Variants in SHANK2 observed in about 807,000 individuals in gnomAD.
The protein encoded by SHANK2 is SH3 and multiple ankyrin repeat domains protein 2.
SHANK2 carries 43 observed loss-of-function variants against 133.7 expected under a neutral mutation model. The ratio of observed to expected loss-of-function variants is 0.32; its 90% confidence interval spans 0.25 to 0.41. The LOEUF (loss-of-function observed/expected upper bound fraction) is 0.41, where lower values mean the gene tolerates loss of function less well. SHANK2 is among the 10% of genes least tolerant of loss of function. The pLI, the probability that SHANK2 is intolerant of heterozygous loss-of-function variation, is 1.00. For missense variants in SHANK2, 1,994 were observed against 2,235.8 expected (o/e 0.89, Z 2.18); for synonymous variants, 1,017 against 952.8 (o/e 1.07, Z -1.24).
intron 14 of SHANK2, among the ~76,000 whole-genome samples, chr11:70,702,445 TCAC>T (rs1421574423): frequency 3.3e-5 from 5 of 151,526 alleles, no homozygotes; most frequent in South Asian, 2.1e-4. Context: ...ACCAACATCA[TCAC>T]CACCATCATC....
At chr11:70,855,333 T>C (rs1949152727) in intron 11 of SHANK2, among the ~76,000 whole-genome samples, 1 of 152,248 alleles carries the variant, frequency 6.6e-6, no homozygotes, top group South Asian at 2.1e-4. Context: ...ATATCTAGAA[T>C]GTTGGGTTCT....
At chr11:71,235,608 A>AC (rs1954817529) in intron 1 of SHANK2, among the ~76,000 whole-genome samples, 5 of 151,568 alleles carry the variant, frequency 3.3e-5, no homozygotes, top group Admixed American at 3.3e-4. Context: ...AAAAAAAAAA[A>AC]AACGTTAACT....
intron 11 of SHANK2, chr11:70,864,434 G>C (rs1224742431): frequency 5.2e-5 from 8 of 152,742 alleles, no homozygotes; most frequent in Non-Finnish European, 4.4e-5. Flanking sequence ...ATTAAGTCAT[G>C]GTGGCTCCAG....
intron 17 of SHANK2, among the ~76,000 whole-genome samples, chr11:70,536,624 G>T (rs1453968952): frequency 6.6e-6 from 1 of 152,204 alleles, no homozygotes; most frequent in East Asian, 1.9e-4. Flanking sequence ...TGGGCTTCAG[G>T]CTTGTGGCTC....
intron 17 of SHANK2, among the ~76,000 whole-genome samples, chr11:70,651,211 T>C (rs2061335249): frequency 6.6e-6 from 1 of 152,146 alleles, no homozygotes; most frequent in Non-Finnish European, 1.5e-5. Flanking sequence ...GCAGCCATGG[T>C]CCCCTGAAGT....
At chr11:71,133,393 CACAG>C (rs1952366811) in intron 3 of SHANK2, among the ~76,000 whole-genome samples, 1 of 37,850 alleles carries the variant, frequency 2.6e-5, no homozygotes, top group African/African-American at 1.6e-4. Flanking sequence ...TGGGTGGATG[CACAG>C]ATGGAGGGAA....
At chr11:70,901,324 G>C (rs937989842) in intron 10 of SHANK2, among the ~76,000 whole-genome samples, 1 of 152,158 alleles carries the variant, frequency 6.6e-6, no homozygotes, top group Non-Finnish European at 1.5e-5. Context: ...AGAAGCATAA[G>C]AAACAACAAA....
chr11:70,756,623 T>C (rs1192700661), intron 14 of SHANK2, among the ~76,000 whole-genome samples: 2 of 152,132 alleles, frequency 1.3e-5, no homozygotes, highest in Non-Finnish European at 2.9e-5. Context: ...CATGGCATCA[T>C]ACTGGACCCT....
At chr11:71,248,431 C>G (rs1056981232) in intron 1 of SHANK2, among the ~76,000 whole-genome samples, 1 of 152,202 alleles carries the variant, frequency 6.6e-6, no homozygotes, top group African/African-American at 2.4e-5. Context: ...ATTTAACCAC[C>G]GGGCGGTGTG....
At position 70,569,346 on chromosome 11, in the gene SHANK2, G is replaced by A. The variant is rs1056320089; in HGVS notation, c.2062-66415C>T. Among the ~76,000 whole-genome samples, 2 of 152,208 alleles carry A rather than the reference G, an allele frequency of 1.3e-5. No homozygotes were observed. Among genetic ancestry groups the A allele is most frequent in the Non-Finnish European group, 2.9e-5 (2 of 68,040 alleles). ...GATCCTGCTCATGCGCCTCATGGAC[G>A]CATCTTGCCCCGGTTTCCAGGTGCG... On this transcript the variant is annotated intron_variant, in intron 17 of 25. Transcript: ENST00000601538. This position sits in a 1 kb window ranked among gnomAD's most constrained non-coding sequence, Gnocchi z 5.1.
chr11:71,210,210 GTA>G (rs71049962), intron 2 of SHANK2, among the ~76,000 whole-genome samples: 1,731 of 53,688 alleles, frequency 0.032, 31 homozygotes, highest in East Asian at 0.043. Context: ...AAATCCACAG[GTA>G]TATATATATA....
chr11:70,629,855 CT>C (rs1334263682), intron 17 of SHANK2, among the ~76,000 whole-genome samples: 1 of 152,208 alleles, frequency 6.6e-6, no homozygotes, highest in Non-Finnish European at 1.5e-5. Context: ...ATCCGGCCCC[CT>C]GACATCCATT....
Position 71,147,336 on chromosome 11 carries a change from T to G in SHANK2, c.-10A>C. On this transcript the variant is annotated splice_region_variant and 5_prime_UTR_variant, in exon 3 of 26. Transcript: ENST00000601538. Reference sequence around the variant, plus strand: ...TTGGGCTGCGCGGCATGGCTGCCTGTGTCTTCGAGGTGGGGAGAAGGAAGA... The same window carrying G: ...TTGGGCTGCGCGGCATGGCTGCCTGGGTCTTCGAGGTGGGGAGAAGGAAGA... The G allele has an allele frequency of 6.5e-7, 1 of 1,543,906 alleles. No individual in the cohort carries two copies. Among genetic ancestry groups the G allele is most frequent in the Non-Finnish European group, 8.8e-7 (1 of 1,141,864 alleles).
intron 17 of SHANK2, among the ~76,000 whole-genome samples, chr11:70,626,983 C>A (rs2060913840): frequency 1.3e-5 from 2 of 152,300 alleles, no homozygotes; most frequent in Non-Finnish European, 2.9e-5. Context: ...AAGACAGGGA[C>A]CCCGGGAGGC....
At chr11:70,549,630 G>A (rs1419156366) in intron 17 of SHANK2, among the ~76,000 whole-genome samples, 1 of 152,204 alleles carries the variant, frequency 6.6e-6, no homozygotes, top group African/African-American at 2.4e-5. Flanking sequence ...GAGGTCCCCG[G>A]CCAGGGACTG....
intron 10 of SHANK2, among the ~76,000 whole-genome samples, chr11:70,904,353 C>G (rs911566613): frequency 6.6e-6 from 1 of 152,100 alleles, no homozygotes; most frequent in African/African-American, 2.4e-5. Flanking sequence ...GGACTGCAAT[C>G]CCATGCCATC....
intron 12 of SHANK2, among the ~76,000 whole-genome samples, chr11:70,814,932 C>T (rs912382118): frequency 2.3e-5 from 3 of 128,924 alleles, no homozygotes; most frequent in African/African-American, 7.8e-5. Context: ...GCCAACCAGC[C>T]CCTTGGCAGC....
chr11:70,573,691 C>T (rs918083718), intron 17 of SHANK2, among the ~76,000 whole-genome samples: 3 of 152,146 alleles, frequency 2.0e-5, no homozygotes, highest in Non-Finnish European at 2.9e-5. Flanking sequence ...CCACATCCCA[C>T]GCAAGCCCCT....
intron 15 of SHANK2, among the ~76,000 whole-genome samples, chr11:70,675,725 A>G (rs1471592994): frequency 6.6e-6 from 1 of 152,244 alleles, no homozygotes; most frequent in African/African-American, 2.4e-5. Context: ...AGATTTTGCC[A>G]GGAGATCCTG....
Sources: allele counts gnomAD v4.1 joint callset (sites outside exome capture counted in the v4.1 genomes callset), GRCh38; gene constraint gnomAD v4.1.1; non-coding constraint Gnocchi (gnomAD v3.1); transcripts MANE v1.5; gene names NCBI Gene and HGNC (gene_info 2026-07-23, HGNC 2026-07-21).